The following PRKG1 variants were observed in gnomAD, a reference collection of about 807,000 sequenced individuals.
The protein encoded by PRKG1 is protein kinase cGMP-dependent 1.
Under a neutral mutation model 88.1 loss-of-function variants are expected in PRKG1, and 35 were observed. The ratio of observed to expected loss-of-function variants is 0.40; its 90% CI spans 0.30 to 0.53. The LOEUF is 0.53. Ranked by LOEUF, PRKG1 falls within the 20% of genes least tolerant of loss-of-function variation. The pLI is 0.59. For synonymous variants in PRKG1, 303 were observed against 292.5 expected (o/e 1.04, Z -0.37); for missense variants, 540 against 839.8 (o/e 0.64, Z 4.41).
At chr10:51,905,058 G>A (rs1269451952) in intron 4 of PRKG1, among the ~76,000 whole-genome samples, 1 of 152,148 alleles carries the variant, frequency 6.6e-6, no homozygotes, top group Non-Finnish European at 1.5e-5. Context: ...TGGGATAGAA[G>A]CACTCTAATT....
In PRKG1 at chr10:51,849,327, C is replaced by G. The variant is rs188534859; in HGVS notation, c.698+44637C>G. The stretch of plus-strand genomic sequence containing the variant: ...GGGGTTACCTAACCATTTGAAAAAG[C>G]CTTAGAATGGTCAGCCATAAAACGA... On this transcript the variant is annotated intron_variant, in intron 4 of 17. Coordinates refer to ENST00000373980, the MANE Select transcript of PRKG1 (RefSeq NM_006258.4). Among the ~76,000 whole-genome samples the G allele has an allele frequency of 2.9e-3, 435 of 152,166 alleles. 1 individual carries two copies. Among genetic ancestry groups the G allele is most frequent in the African/African-American group, 0.01 (419 of 41,534 alleles).
intron 9 of PRKG1, among the ~76,000 whole-genome samples, chr10:52,249,016 CCCTCCCCTT>C (rs1841100466): frequency 4.5e-5 from 1 of 22,164 alleles, no homozygotes; most frequent in Non-Finnish European, 8.6e-5. Flanking sequence ...CCGCCTCCTT[CCCTCCCCTT>C]CCCTCCCCTT....
intron 5 of PRKG1, among the ~76,000 whole-genome samples, chr10:51,994,891 A>C (rs1844399722): frequency 1.3e-5 from 2 of 152,186 alleles, no homozygotes; most frequent in Admixed American, 1.3e-4. Context: ...ACAACACTGC[A>C]AGCTAAAGGG....
At chr10:51,067,133 G>C (rs1334254527) in intron 1 of PRKG1, among the ~76,000 whole-genome samples, 1 of 151,766 alleles carries the variant, frequency 6.6e-6, no homozygotes, top group Non-Finnish European at 1.5e-5. Context: ...ATGAACTTTG[G>C]GGGAGACATT....
At chr10:52,188,338 A>G (rs1192367220) in intron 9 of PRKG1, among the ~76,000 whole-genome samples, 4 of 145,096 alleles carry the variant, frequency 2.8e-5, no homozygotes, top group African/African-American at 1.0e-4. Context: ...ACACATATAT[A>G]TATATATTTC....
chr10:52,193,391 C>CA (rs112891722), intron 9 of PRKG1, among the ~76,000 whole-genome samples: 31,593 of 150,634 alleles, frequency 0.21, 4,678 homozygotes, highest in African/African-American at 0.42. Context: ...ACTAAAAATA[C>CA]AAAAAAATTA....
At chr10:51,652,572 A>T (rs1840065937) in intron 3 of PRKG1, among the ~76,000 whole-genome samples, 2 of 152,108 alleles carry the variant, frequency 1.3e-5, no homozygotes, top group South Asian at 4.1e-4. Context: ...TCTTTATAAA[A>T]TTTTTTGTCA....
chr10:51,687,941 TG>T (rs1489177177), intron 3 of PRKG1, among the ~76,000 whole-genome samples: 1 of 152,230 alleles, frequency 6.6e-6, no homozygotes, highest in Non-Finnish European at 1.5e-5. Context: ...ACAAGATTTT[TG>T]TTTGTCTGCT....
intron 1 of PRKG1, among the ~76,000 whole-genome samples, chr10:51,006,902 G>A (rs1224872050): frequency 6.6e-6 from 1 of 150,864 alleles, no homozygotes; most frequent in Non-Finnish European, 1.5e-5. Context: ...TTCAATGCAG[G>A]TTCTGATTCA....
intron 9 of PRKG1, among the ~76,000 whole-genome samples, chr10:52,168,347 T>C (rs1451720531): frequency 6.6e-6 from 1 of 152,080 alleles, no homozygotes; most frequent in Admixed American, 6.6e-5. Context: ...GCGGAACAAA[T>C]GGAAAGCATT....
At chr10:51,933,108 A>G (rs543156996) in intron 5 of PRKG1, among the ~76,000 whole-genome samples, 2 of 152,202 alleles carry the variant, frequency 1.3e-5, no homozygotes, top group African/African-American at 4.8e-5. Context: ...CAGATGCAAG[A>G]TGTCATGTGC....
chr10:51,879,605 T>C (rs934593585), intron 4 of PRKG1, among the ~76,000 whole-genome samples: 3 of 152,214 alleles, frequency 2.0e-5, no homozygotes, highest in African/African-American at 7.2e-5. Flanking sequence ...GCAACCCAAC[T>C]GAGCTGTTAG....
chr10:51,613,019 C>T (rs1396672226), intron 3 of PRKG1, among the ~76,000 whole-genome samples: 1 of 151,886 alleles, frequency 6.6e-6, no homozygotes, highest in Non-Finnish European at 1.5e-5. Flanking sequence ...ATTTGGTTTG[C>T]TAGTGTTTTG....
chr10:51,300,656 A>G (rs144322977), intron 2 of PRKG1, among the ~76,000 whole-genome samples: 1 of 152,372 alleles, frequency 6.6e-6, no homozygotes, highest in African/African-American at 2.4e-5. Flanking sequence ...GGTAAGAACC[A>G]TAACTGTTTC....
intron 2 of PRKG1, among the ~76,000 whole-genome samples, chr10:51,458,868 C>T (rs149069245): frequency 6.6e-6 from 1 of 152,218 alleles, no homozygotes; most frequent in African/African-American, 2.4e-5. Flanking sequence ...GAAACCCACA[C>T]ATAAGGAGGA....
intron 7 of PRKG1, among the ~76,000 whole-genome samples, chr10:52,111,281 A>G (rs574526380): frequency 1.3e-5 from 2 of 152,368 alleles, no homozygotes; most frequent in Admixed American, 1.3e-4. Flanking sequence ...CAATCTATGT[A>G]CAGCACATGG....
chr10:51,517,591 G>A (rs1046250619), intron 3 of PRKG1, among the ~76,000 whole-genome samples: 1 of 152,208 alleles, frequency 6.6e-6, no homozygotes, highest in Non-Finnish European at 1.5e-5. Context: ...ATCTTCTTCT[G>A]TCTTCGTGAA....
In PRKG1 at chr10:51,324,469, C is replaced by T. The variant is rs536355109; in HGVS notation, c.479-143254C>T. On this transcript the variant is annotated intron_variant, in intron 2 of 17. Coordinates refer to ENST00000373980, the MANE Select transcript of PRKG1 (RefSeq NM_006258.4). ...AGCCCATTAAGGTTCCATTGTGGGCCGGGCGCGGTGGCTCACGCCAGGCCG... is the reference window on the plus strand; with the variant it reads ...AGCCCATTAAGGTTCCATTGTGGGCTGGGCGCGGTGGCTCACGCCAGGCCG... Among the ~76,000 whole-genome samples, 297 of 151,452 alleles carry T rather than the reference C, an allele frequency of 2.0e-3. 2 individuals are homozygous for T. The highest frequency in any genetic ancestry group is 6.9e-3 in the African/African-American group (285 of 41,278).
intron 3 of PRKG1, among the ~76,000 whole-genome samples, chr10:51,630,080 C>T (rs867137356): frequency 1.3e-5 from 2 of 152,244 alleles, no homozygotes; most frequent in African/African-American, 2.4e-5. Flanking sequence ...GCAAGTTTTG[C>T]AACGCATTCT....
Sources: gnomAD v4.1 joint callset for allele counts (sites outside exome capture counted in the v4.1 genomes callset) on GRCh38, gnomAD v4.1.1 for gene constraint, MANE v1.5 for transcripts, NCBI Gene and HGNC (gene_info 2026-07-23, HGNC 2026-07-21) for gene names.